GLDC: variants seen among roughly 807,000 people sequenced by gnomAD.
GLDC encodes the protein glycine dehydrogenase (decarboxylating), mitochondrial.
GLDC carries 104 observed loss-of-function variants against 121.3 expected under a neutral mutation model. The ratio of observed to expected loss-of-function variants is 0.86; its 90% CI spans 0.73 to 1.01. GLDC has a LOEUF of 1.01. GLDC is among the 50% of genes least tolerant of loss of function. The probability of loss-of-function intolerance (pLI) is 0.00; values close to 1 mark genes in which losing one functional copy is unlikely to be tolerated. For synonymous variants in GLDC, 546 were observed against 480.6 expected, an observed-to-expected ratio of 1.14 and a Z score of -1.78; for missense variants, 1,429 against 1,306.6, an observed-to-expected ratio of 1.09 and a Z score of -1.44.
chr9:6,617,574 G>T (rs73402969), intron 3 of GLDC, among the ~76,000 whole-genome samples: 2,251 of 152,258 alleles, frequency 0.015, 63 homozygotes, highest in African/African-American at 0.051. Flanking sequence ...CTTCATCAAT[G>T]CAAACGCATT....
At chr9:6,554,597 G>A (rs1817579805) in intron 19 of GLDC, 72 bp downstream of exon 19, 3 of 1,004,472 alleles carry the variant, frequency 3.0e-6, no homozygotes, top group Non-Finnish European at 3.1e-6. Context: ...TTGATGGGAT[G>A]AGTAGTCTAT....
At chr9:6,629,591 A>T (rs1819319087) in intron 2 of GLDC, among the ~76,000 whole-genome samples, 1 of 140,532 alleles carries the variant, frequency 7.1e-6, no homozygotes, top group African/African-American at 2.8e-5. Context: ...TGTATGAGTC[A>T]AGATACCTGC....
chr9:6,624,022 T>C (rs1819179177), intron 2 of GLDC, among the ~76,000 whole-genome samples: 2 of 152,268 alleles, frequency 1.3e-5, no homozygotes, highest in Admixed American at 1.3e-4. Context: ...GGGCTCTGTC[T>C]GTCAAACTGA....
chr9:6,612,918 G>A (rs930142122), intron 3 of GLDC, among the ~76,000 whole-genome samples: 2 of 152,138 alleles, frequency 1.3e-5, no homozygotes, highest in South Asian at 2.1e-4. Context: ...AATGAGCCAT[G>A]ATCACGCCTC....
intron 15 of GLDC, chr9:6,565,914 T>C (rs960280646): frequency 4.4e-6 from 1 of 226,286 alleles, no homozygotes; most frequent in Non-Finnish European, 8.8e-6. Flanking sequence ...CAAATGTCAA[T>C]ATGCAGCCTT....
At chr9:6,644,060 A>G (rs1360131337) in intron 2 of GLDC, among the ~76,000 whole-genome samples, 1 of 150,056 alleles carries the variant, frequency 6.7e-6, no homozygotes. Flanking sequence ...ACGAAAAAAA[A>G]AAGAAAAGAA....
chr9:6,631,799 G>C (rs1162461347), intron 2 of GLDC, among the ~76,000 whole-genome samples: 1 of 152,202 alleles, frequency 6.6e-6, no homozygotes, highest in Non-Finnish European at 1.5e-5. Context: ...GGGCACAGTG[G>C]CTCATGCCTG....
At chr9:6,600,751 A>G (rs550862254) in intron 8 of GLDC, among the ~76,000 whole-genome samples, 1 of 152,290 alleles carries the variant, frequency 6.6e-6, no homozygotes, top group East Asian at 1.9e-4. Flanking sequence ...TGGGCCTCCA[A>G]CTGATCCTAG....
chr9:6,563,209 T>C (rs558984236), intron 16 of GLDC, among the ~76,000 whole-genome samples: 6 of 152,244 alleles, frequency 3.9e-5, no homozygotes, highest in Non-Finnish European at 5.9e-5. Flanking sequence ...CTCCTTGGCC[T>C]TTCCAGTTTG....
At chr9:6,576,575 T>A (rs948171480) in intron 15 of GLDC, among the ~76,000 whole-genome samples, 1 of 152,174 alleles carries the variant, frequency 6.6e-6, no homozygotes, top group African/African-American at 2.4e-5. Context: ...CAAGCAATTG[T>A]CCTGCCTCAG....
Position 6,558,617 on chromosome 9 carries a change from A to G in GLDC, c.1994T>C (p.Ile665Thr). Residue 665 changes from isoleucine to threonine, a missense_variant, in exon 17 of 25, where the codon ATT (isoleucine) becomes ACT (threonine). Coordinates refer to ENST00000321612, the MANE Select transcript of GLDC (RefSeq NM_000170.3). ...PASAHMAGMK[I>T]QPVEVDKYGN... ...ATATTTATCCACCTCCACAGGCTGA[A>G]TCTTCATGCCTGCCATGTGGGCACT... 6.2e-7 allele frequency: 1 copy of G among 1,614,192 alleles called. No homozygotes were observed. The highest frequency in any genetic ancestry group is 8.5e-7 in the Non-Finnish European group (1 of 1,180,018).
At chr9:6,589,480 G>A (rs981628097) in intron 11 of GLDC, among the ~76,000 whole-genome samples, 188 bp from the exon 12 acceptor site, 3 of 152,082 alleles carry the variant, frequency 2.0e-5, no homozygotes, top group African/African-American at 7.2e-5. Context: ...ACCCAGGCTA[G>A]AGTGCAGTGG....
intron 8 of GLDC, among the ~76,000 whole-genome samples, chr9:6,598,978 C>T (rs561143817): frequency 6.6e-6 from 1 of 152,014 alleles, no homozygotes; most frequent in African/African-American, 2.4e-5. Flanking sequence ...GTCAGGAGTT[C>T]GAGACCAGCC....
intron 20 of GLDC, among the ~76,000 whole-genome samples, chr9:6,551,140 T>C (rs2129706539): frequency 6.6e-6 from 1 of 152,374 alleles, no homozygotes; most frequent in African/African-American, 2.4e-5. Flanking sequence ...TTACGTTCTT[T>C]ATTGTAGTAG....
At chr9:6,599,296 G>A (rs114533814) in intron 8 of GLDC, among the ~76,000 whole-genome samples, 2,862 of 152,212 alleles carry the variant, frequency 0.019, 79 homozygotes, top group African/African-American at 0.065. Flanking sequence ...ATGGACTTAT[G>A]ATCAGACGGA....
At chr9:6,597,431 C>T (rs1235396761) in intron 8 of GLDC, among the ~76,000 whole-genome samples, 1 of 152,156 alleles carries the variant, frequency 6.6e-6, no homozygotes. Flanking sequence ...CTACACCTGA[C>T]TTTAGAAAAG....
chr9:6,568,754 T>G (rs781725224), intron 15 of GLDC: 2 of 152,018 alleles, frequency 1.3e-5, no homozygotes, highest in African/African-American at 4.8e-5. Flanking sequence ...GAGGCTGAAG[T>G]GGGAGAATCA....
At chr9:6,568,902 C>G (rs938725844) in intron 15 of GLDC, 6 of 152,172 alleles carry the variant, frequency 3.9e-5, no homozygotes, top group African/African-American at 1.4e-4. Flanking sequence ...GGCATTTACT[C>G]AGGCTGATTA....
Position 6,553,349 on chromosome 9 carries a change from A to C in GLDC, c.2457+19T>G, listed in dbSNP as rs1171415180. On this transcript the variant is annotated intron_variant, in intron 20 of 24. Coordinates refer to ENST00000321612, the MANE Select transcript of GLDC (RefSeq NM_000170.3). The stretch of plus-strand genomic sequence containing the variant: ...CGCCCCCACCCACCTGCACACCTGC[A>C]CATACTCCCAGGCCTCACCTTGATA... 6.2e-7 allele frequency: 1 copy of C among 1,613,218 alleles called. No homozygotes were observed. Among genetic ancestry groups the C allele is most frequent in the African/African-American group, 1.3e-5 (1 of 74,996 alleles).
Sources: allele counts gnomAD v4.1 joint callset (sites outside exome capture counted in the v4.1 genomes callset), GRCh38; gene constraint gnomAD v4.1.1; transcripts MANE v1.5; gene names NCBI Gene and HGNC (gene_info 2026-07-23, HGNC 2026-07-21).